Variants in GDPD1 observed in about 807,000 individuals in gnomAD.
The protein encoded by GDPD1 is lysophospholipase D GDPD1.
A neutral mutation model predicts 45.1 loss-of-function variants in GDPD1; 28 were observed. The observed-to-expected ratio is 0.62, with a 90% confidence interval of 0.46 to 0.85. The LOEUF (loss-of-function observed/expected upper bound fraction) is 0.85, where lower values mean the gene tolerates loss of function less well. Among genes scored for constraint, GDPD1 ranks in the 40% least tolerant of loss-of-function variants. GDPD1 has a pLI of 0.00. For missense variants in GDPD1, 256 were observed against 364.8 expected, an observed-to-expected ratio of 0.70 and a Z score of 2.43; for synonymous variants, 139 against 131.4, an observed-to-expected ratio of 1.06 and a Z score of -0.40.
chr17:59,248,610 T>A, intron 3 of GDPD1, 130 bp from the exon 4 acceptor site: 3 of 623,504 alleles, frequency 4.8e-6, no homozygotes, highest in Non-Finnish European at 8.4e-6. Flanking sequence ...GATGTTCTGC[T>A]AAGGGTGCCT....
chr17:59,255,762 A>ATATATAT (rs1555724154), intron 4 of GDPD1, among the ~76,000 whole-genome samples: 1 of 44,356 alleles, frequency 2.3e-5, no homozygotes, highest in African/African-American at 1.9e-4. Flanking sequence ...AAAAAAAAAA[A>ATATATAT]ATATATATAT....
chr17:59,266,107 G>A (rs964004169), intron 6 of GDPD1, among the ~76,000 whole-genome samples: 1 of 151,672 alleles, frequency 6.6e-6, no homozygotes, highest in Non-Finnish European at 1.5e-5. Flanking sequence ...CTTAAATTTG[G>A]CTGGTGCGGT....
intron 1 of GDPD1, among the ~76,000 whole-genome samples, chr17:59,229,948 A>T (rs1169841198): frequency 6.6e-6 from 1 of 152,146 alleles, no homozygotes; most frequent in Non-Finnish European, 1.5e-5. Flanking sequence ...ACCTATATGC[A>T]TTATTTATTG....
intron 1 of GDPD1, among the ~76,000 whole-genome samples, chr17:59,224,707 G>A (rs373872591): frequency 6.6e-6 from 1 of 151,660 alleles, no homozygotes; most frequent in African/African-American, 2.4e-5. Context: ...CTGTAGTCTC[G>A]GCTATTTGAG....
intron 1 of GDPD1, among the ~76,000 whole-genome samples, chr17:59,229,454 A>G (rs1293787086): frequency 4.6e-5 from 7 of 151,224 alleles, no homozygotes; most frequent in Admixed American, 4.6e-4. Flanking sequence ...CGAACTCCTG[A>G]CCTCAGGTGA....
At chr17:59,247,774 G>A (rs989779910) in intron 3 of GDPD1, among the ~76,000 whole-genome samples, 1 of 151,968 alleles carries the variant, frequency 6.6e-6, no homozygotes, top group Non-Finnish European at 1.5e-5. Flanking sequence ...GGGATTACAG[G>A]CATGCGCCAC....
intron 1 of GDPD1, among the ~76,000 whole-genome samples, chr17:59,231,889 A>G (rs2047093306): frequency 6.6e-6 from 1 of 152,050 alleles, no homozygotes; most frequent in Admixed American, 6.6e-5. Flanking sequence ...CAGCCTCCCA[A>G]AATGCTAGGA....
At chr17:59,261,854 A>G in intron 6 of GDPD1, among the ~76,000 whole-genome samples, 1 of 150,476 alleles carries the variant, frequency 6.6e-6, no homozygotes. Flanking sequence ...AGCTGGTCTC[A>G]AACTCCTAGG....
At chr17:59,254,476 G>C (rs966047781) in intron 4 of GDPD1, among the ~76,000 whole-genome samples, 6 of 152,110 alleles carry the variant, frequency 3.9e-5, no homozygotes, top group African/African-American at 1.2e-4. Flanking sequence ...GCTGCTGTGA[G>C]CTGTGGTCAT....
At position 59,273,816 on chromosome 17, in the gene GDPD1, T is replaced by A. The variant is rs766449180; in HGVS notation, c.*43T>A. 2 of 1,502,824 alleles carry A rather than the reference T, an allele frequency of 1.3e-6. No homozygotes were observed. Among genetic ancestry groups the A allele is most frequent in the Admixed American group, 2.4e-5 (1 of 41,874 alleles). 93.1% of individuals were successfully genotyped at this position (1,502,824 alleles called of 1,614,324 possible). A position where few individuals can be genotyped will look rare whatever the true frequency, so the allele number is the denominator to read the frequency against. Reference sequence around the variant, plus strand: ...AGTATTGAAGGAAAAAATGAAGACCTAAGAAAAAAATATTTCATGATCATT... The same window carrying A: ...AGTATTGAAGGAAAAAATGAAGACCAAAGAAAAAAATATTTCATGATCATT... On this transcript the variant is annotated 3_prime_UTR_variant, in exon 10 of 10. Transcript: ENST00000284116.
intron 6 of GDPD1, among the ~76,000 whole-genome samples, chr17:59,260,146 A>G (rs139055114): frequency 2.9e-4 from 44 of 150,872 alleles, no homozygotes; most frequent in African/African-American, 1.1e-3. Flanking sequence ...AAACTTCCAA[A>G]TAGATTTAAG....
chr17:59,233,484 C>T (rs2047107316), intron 1 of GDPD1, among the ~76,000 whole-genome samples: 1 of 141,764 alleles, frequency 7.1e-6, no homozygotes, highest in Admixed American at 7.3e-5. Flanking sequence ...TGCACTCCAG[C>T]CTGGGCGACA....
Position 59,257,158 on chromosome 17 carries a change from T to A in GDPD1, c.404T>A (p.Leu135Ter). ...QCEGKDNRIP[L>*]LKEVFEAFPN... The stretch of plus-strand genomic sequence containing the variant: ...GAAGGAAAAGATAACCGAATTCCAT[T>A]ACTGAAGGAAGTTTTTGAGGCCTTT... Residue 135 changes from leucine to a stop codon, truncating the protein, a stop_gained, in exon 5 of 10, where the codon TTA becomes TAA. Transcript: ENST00000284116. LOFTEE classifies it high-confidence loss of function. The A allele has an allele frequency of 6.2e-7, 1 of 1,605,418 alleles. No homozygotes were observed. The highest frequency in any genetic ancestry group is 8.5e-7 in the Non-Finnish European group (1 of 1,175,244).
rs144037392 is a variant in GDPD1 at position 59,266,086 on chromosome 17, A to T, written c.577-955A>T. On this transcript the variant is annotated intron_variant, in intron 6 of 9. Coordinates refer to ENST00000284116, the MANE Select transcript of GDPD1 (RefSeq NM_182569.4). ...GGTGGTGAGAAAATAGATTTAAAAA[A>T]TGATTAAGATCTTAAATTTGGCTGG... Among the ~76,000 whole-genome samples the T allele has an allele frequency of 5.9e-3, 893 of 151,876 alleles. 2 individuals carry two copies. Among genetic ancestry groups the T allele is most frequent in the Middle Eastern group, 0.014 (4 of 294 alleles).
intron 4 of GDPD1, chr17:59,249,326 C>T (rs142580590): frequency 0.023 from 3,468 of 152,118 alleles, 57 homozygotes; most frequent in Middle Eastern, 0.036. Context: ...ACCTGGGAGG[C>T]GGAGGTTGCA....
At chr17:59,250,618 A>AT (rs933608019) in intron 4 of GDPD1, among the ~76,000 whole-genome samples, 1 of 144,846 alleles carries the variant, frequency 6.9e-6, no homozygotes, top group African/African-American at 2.7e-5. Flanking sequence ...TGTCTCAAAA[A>AT]AAAAAAAAAA....
At chr17:59,272,673 T>C in intron 8 of GDPD1, 112 bp from the exon 9 acceptor site, 1 of 693,826 alleles carries the variant, frequency 1.4e-6, no homozygotes, top group Non-Finnish European at 2.6e-6. Flanking sequence ...AGACCATTTC[T>C]TTTATTGCTG....
chr17:59,271,430 C>T (rs2047443160), intron 8 of GDPD1, among the ~76,000 whole-genome samples: 1 of 152,036 alleles, frequency 6.6e-6, no homozygotes. Flanking sequence ...GGAAATCCCA[C>T]CTATAGAGTG....
chr17:59,248,968 C>A, intron 4 of GDPD1, 183 bp downstream of exon 4: 1 of 457,416 alleles, frequency 2.2e-6, no homozygotes, highest in East Asian at 3.4e-5. Flanking sequence ...GTGATTCATT[C>A]TGCTTAAATT....
Sources: allele counts gnomAD v4.1 joint callset (sites outside exome capture counted in the v4.1 genomes callset), GRCh38; gene constraint gnomAD v4.1.1; transcripts MANE v1.5; gene names NCBI Gene and HGNC (gene_info 2026-07-23, HGNC 2026-07-21).